MYO3A: variants seen among roughly 807,000 people sequenced by gnomAD.
MYO3A encodes the protein myosin IIIA, also known as myosin-IIIa.
Under a neutral mutation model 192.7 loss-of-function variants are expected in MYO3A, and 180 were observed. The observed-to-expected ratio is 0.93, with a 90% CI of 0.83 to 1.06. The LOEUF (loss-of-function observed/expected upper bound fraction) is 1.06. Among genes scored for constraint, MYO3A ranks in the 50% least tolerant of loss-of-function variants. The pLI is 0.00. For missense variants in MYO3A, 1,896 were observed against 1,905.0 expected, an observed-to-expected ratio of 1.00 and a Z score of 0.09; for synonymous variants, 628 against 645.3, an observed-to-expected ratio of 0.97 and a Z score of 0.41.
intron 4 of MYO3A, among the ~76,000 whole-genome samples, chr10:25,958,186 A>G (rs1010018636): frequency 1.3e-5 from 2 of 152,066 alleles, no homozygotes; most frequent in African/African-American, 4.8e-5. Flanking sequence ...AATGGATGGT[A>G]TTGCCTAGAT....
chr10:25,988,707 CA>C (rs1839811552), intron 4 of MYO3A, among the ~76,000 whole-genome samples: 1 of 151,798 alleles, frequency 6.6e-6, no homozygotes, highest in Non-Finnish European at 1.5e-5. Flanking sequence ...AATGAATAAA[CA>C]GTGGTTCATC....
intron 32 of MYO3A, among the ~76,000 whole-genome samples, chr10:26,195,131 T>C (rs1843346000): frequency 6.6e-6 from 1 of 152,184 alleles, no homozygotes; most frequent in African/African-American, 2.4e-5. Context: ...CCAATCTAGT[T>C]TTCTGTTTCT....
chr10:26,151,757 C>G (rs2131895394), intron 23 of MYO3A, among the ~76,000 whole-genome samples: 1 of 152,308 alleles, frequency 6.6e-6, no homozygotes, highest in South Asian at 2.1e-4. Flanking sequence ...CAGGCTTTAC[C>G]TGAGTTCCCT....
intron 4 of MYO3A, among the ~76,000 whole-genome samples, chr10:25,994,225 A>G (rs1840267264): frequency 6.6e-6 from 1 of 151,600 alleles, no homozygotes; most frequent in African/African-American, 2.4e-5. Flanking sequence ...TATTTAGGAT[A>G]GTTAGCTCTT....
Position 26,133,582 on chromosome 10 carries a change from C to T in MYO3A, c.2262+5044C>T, listed in dbSNP as rs566481643. 5.3e-5 allele frequency among the ~76,000 whole-genome samples: 8 copies of T among 152,250 alleles called. No homozygotes were observed. The South Asian group carries it at 1.5e-3, about 28-fold the overall frequency. On this transcript the variant is annotated intron_variant, in intron 20 of 34. Transcript: ENST00000642920. ...CTTATTTTGATGATTTAATGATATT[C>T]TTAAATTTAAAAGGTTTTTTTTCTT...
intron 10 of MYO3A, among the ~76,000 whole-genome samples, chr10:26,057,316 G>C (rs1280205016): frequency 6.6e-6 from 1 of 152,192 alleles, no homozygotes; most frequent in African/African-American, 2.4e-5. Context: ...GGAAGCTTCT[G>C]ATAGGATGAT....
At position 26,147,494 on chromosome 10, in the gene MYO3A, T is replaced by C; in HGVS notation, c.2570T>C (p.Leu857Pro). The C allele has an allele frequency of 6.2e-7, 1 of 1,613,974 alleles. No individual in the cohort carries two copies. The highest frequency in any genetic ancestry group is 8.5e-7 in the Non-Finnish European group (1 of 1,179,864). The change falls in exon 23 of 35, where the codon CTA becomes CCA. Residue 857 changes from leucine (L) to proline (P), a missense_variant. Physicochemically the swap from Leu to Pro is moderately conservative, Grantham distance 98. Transcript: ENST00000642920. ...GACACTCTTCCTACTGACATTGTGC[T>C]ACTTTTGAGGTCATCCGACAACAGT... ...NRDTLPTDIV[L>P]LLRSSDNSVI...
At chr10:25,993,498 G>A (rs570424063) in intron 4 of MYO3A, among the ~76,000 whole-genome samples, 4 of 152,072 alleles carry the variant, frequency 2.6e-5, no homozygotes, top group African/African-American at 9.6e-5. Context: ...AGGGTTTTTT[G>A]TGTCTCTATC....
chr10:26,029,522 C>T (rs1304289324), intron 10 of MYO3A, among the ~76,000 whole-genome samples: 2 of 152,114 alleles, frequency 1.3e-5, no homozygotes, highest in East Asian at 3.9e-4. Context: ...TAGAACTGGG[C>T]CTAGTCTAGA....
At chr10:25,983,678 A>G (rs968711747) in intron 4 of MYO3A, among the ~76,000 whole-genome samples, 2 of 152,252 alleles carry the variant, frequency 1.3e-5, no homozygotes, top group Non-Finnish European at 1.5e-5. Flanking sequence ...TTTGGAAAAC[A>G]TATTTGAGGG....
At chr10:26,150,398 T>A (rs976533929) in intron 23 of MYO3A, among the ~76,000 whole-genome samples, 1 of 152,222 alleles carries the variant, frequency 6.6e-6, no homozygotes. Context: ...AATAGTAGAA[T>A]GAGTATTATT....
chr10:26,195,562 C>G (rs1458222577), intron 32 of MYO3A, among the ~76,000 whole-genome samples: 3 of 152,228 alleles, frequency 2.0e-5, no homozygotes, highest in Non-Finnish European at 4.4e-5. Context: ...GCCTGCTCAC[C>G]TTTCCAGCCT....
At chr10:26,148,418 G>A (rs1246799887) in intron 23 of MYO3A, among the ~76,000 whole-genome samples, 2 of 152,290 alleles carry the variant, frequency 1.3e-5, no homozygotes, top group Middle Eastern at 6.8e-3. Flanking sequence ...ATAAAGTCCT[G>A]AAATCAGGCA....
intron 22 of MYO3A, among the ~76,000 whole-genome samples, chr10:26,146,001 C>T (rs746526974): frequency 1.3e-5 from 2 of 152,184 alleles, no homozygotes; most frequent in African/African-American, 4.8e-5. Context: ...AGATGATTCT[C>T]TCTCTACTGC....
At position 26,145,658 on chromosome 10, in the gene MYO3A, G is replaced by A. The variant is rs150440903; in HGVS notation, c.2505+124G>A. The A allele has an allele frequency of 5.7e-4, 454 of 795,908 alleles. 4 individuals carry two copies. The African/African-American group carries it at 5.9e-3, about 10-fold the overall frequency. 49.3% of individuals were successfully genotyped at this position (795,908 alleles called of 1,614,324 possible). On this transcript the variant is annotated intron_variant, in intron 22 of 34. Transcript: ENST00000642920. ...GATAATGTCATAGCTGTCTGTTTCCGCCCCCACTGGCCCTAATTATGCCCT... is the reference window on the plus strand; with the variant it reads ...GATAATGTCATAGCTGTCTGTTTCCACCCCCACTGGCCCTAATTATGCCCT...
chr10:26,112,876 T>C (rs1259976921), intron 17 of MYO3A, among the ~76,000 whole-genome samples: 3 of 152,216 alleles, frequency 2.0e-5, no homozygotes, highest in Admixed American at 2.0e-4. Flanking sequence ...TGATTCATAG[T>C]AGTTTGATGA....
chr10:25,954,830 C>A, intron 3 of MYO3A, 44 bp from the exon 4 acceptor site: 1 of 1,584,920 alleles, frequency 6.3e-7, no homozygotes, highest in South Asian at 1.1e-5. Flanking sequence ...TGACATTACT[C>A]ATGGTTTTCT....
chr10:26,001,493 A>G (rs764051467), intron 6 of MYO3A, among the ~76,000 whole-genome samples: 5 of 152,176 alleles, frequency 3.3e-5, no homozygotes, highest in Non-Finnish European at 5.9e-5. Context: ...GAGCAAACAG[A>G]CTTAATCTGC....
chr10:26,167,589 C>T (rs1253007342), intron 27 of MYO3A, among the ~76,000 whole-genome samples: 2 of 152,140 alleles, frequency 1.3e-5, no homozygotes, highest in African/African-American at 4.8e-5. Flanking sequence ...TCCACTTCAC[C>T]TTTTCCAACT....
Sources: gnomAD v4.1 joint callset for allele counts (sites outside exome capture counted in the v4.1 genomes callset) on GRCh38, gnomAD v4.1.1 for gene constraint, MANE v1.5 for transcripts, NCBI Gene and HGNC (gene_info 2026-07-23, HGNC 2026-07-21) for gene names.